VCL: variants seen among roughly 807,000 people sequenced by gnomAD.
VCL encodes the protein vinculin.
VCL carries 47 observed loss-of-function variants against 125.7 expected under a neutral mutation model. That is an observed-to-expected ratio of 0.37 (90% CI 0.30 to 0.48). VCL has a LOEUF of 0.48. VCL is among the 20% of genes least tolerant of loss of function. The probability of loss-of-function intolerance (pLI) is 0.99; values close to 1 mark genes in which losing one functional copy is unlikely to be tolerated. For missense variants in VCL, 1,069 were observed against 1,455.5 expected, an observed-to-expected ratio of 0.73 and a Z score of 4.32; for synonymous variants, 458 against 514.6, an observed-to-expected ratio of 0.89 and a Z score of 1.49.
intron 1 of VCL, among the ~76,000 whole-genome samples, chr10:74,037,762 T>A (rs1841009635): frequency 6.6e-6 from 1 of 152,136 alleles, no homozygotes; most frequent in African/African-American, 2.4e-5. Context: ...TGGCTCCTTT[T>A]TTCTAAAAGA....
chr10:74,111,965 C>A lies in VCL; in HGVS notation c.2802C>A (p.Ala934=), dbSNP rs372381809. 13 of 1,614,160 alleles carry A rather than the reference C, an allele frequency of 8.1e-6. No individual in the cohort carries two copies. Among genetic ancestry groups the A allele is most frequent in the Non-Finnish European group, 1.1e-5 (13 of 1,180,028 alleles). The change falls in exon 19 of 22, where the codon GCC becomes GCA. Residue 934 remains alanine (A), a synonymous_variant. Coordinates refer to ENST00000211998, the MANE Select transcript of VCL (RefSeq NM_014000.3). ...GTGTTGTAGCTGAGGCAGATGCGGCCGATGCTGCTGGCTTCCCTGTCCCCC... is the reference window on the plus strand; with the variant it reads ...GTGTTGTAGCTGAGGCAGATGCGGCAGATGCTGCTGGCTTCCCTGTCCCCC... ...GIGVVAEADA[A]DAAGFPVPPD... is the part of the protein sequence containing the mutation.
At chr10:73,999,755 A>C (rs900122016) in intron 1 of VCL, among the ~76,000 whole-genome samples, 4 of 152,178 alleles carry the variant, frequency 2.6e-5, no homozygotes, top group Admixed American at 1.3e-4. Context: ...CCACCGACCA[A>C]ATTCCTGATC....
At chr10:74,041,357 A>G (rs1841090980) in intron 1 of VCL, among the ~76,000 whole-genome samples, 1 of 152,038 alleles carries the variant, frequency 6.6e-6, no homozygotes, top group Non-Finnish European at 1.5e-5. Flanking sequence ...ATTAAAGTTT[A>G]CTCTTATATT....
chr10:74,018,177 G>GATATATAT (rs72407698), intron 1 of VCL, among the ~76,000 whole-genome samples: 1,162 of 81,794 alleles, frequency 0.014, 32 homozygotes, highest in African/African-American at 0.031. Context: ...ATATATATAG[G>GATATATAT]ATATATATAT....
intron 8 of VCL, among the ~76,000 whole-genome samples, chr10:74,087,331 A>T (rs1256939326): frequency 2.5e-4 from 36 of 143,340 alleles, no homozygotes; most frequent in African/African-American, 1.0e-4. Flanking sequence ...TTTTTTTTTT[A>T]GGTTTTTCTT....
rs145910411 is a variant in VCL at position 74,005,646 on chromosome 10, G to A, written c.168+7271G>A. On this transcript the variant is annotated intron_variant, in intron 1 of 21. Transcript: ENST00000211998. ...GATTTTTGGAGATGGGCAGTTATCCGTCGGTATCCATGGGGGATTGGTTGC... is the reference window on the plus strand; with the variant it reads ...GATTTTTGGAGATGGGCAGTTATCCATCGGTATCCATGGGGGATTGGTTGC... 5.9e-3 allele frequency among the ~76,000 whole-genome samples: 903 copies of A among 152,242 alleles called. 8 individuals carry two copies. The highest frequency in any genetic ancestry group is 0.021 in the African/African-American group (855 of 41,548).
intron 2 of VCL, among the ~76,000 whole-genome samples, chr10:74,049,270 A>G (rs116480441): frequency 0.015 from 2,346 of 152,254 alleles, 68 homozygotes; most frequent in African/African-American, 0.054. Flanking sequence ...GAGATAAAAT[A>G]GTGGAACTAC....
intron 1 of VCL, among the ~76,000 whole-genome samples, chr10:74,017,127 A>G (rs1840559503): frequency 1.4e-5 from 2 of 139,506 alleles, no homozygotes; most frequent in Admixed American, 7.4e-5. Context: ...GGCTCACTGC[A>G]AGCTCCGCCT....
intron 8 of VCL, among the ~76,000 whole-genome samples, chr10:74,086,090 C>T (rs1177398755): frequency 1.3e-5 from 2 of 152,192 alleles, no homozygotes; most frequent in Non-Finnish European, 2.9e-5. Context: ...TGGTCTTGAA[C>T]TCCTGACCTC....
In VCL at chr10:74,089,313, A is replaced by C. The variant is rs1839839552; in HGVS notation, c.1140A>C (p.Ser380=). 1 of 1,614,196 alleles carries C rather than the reference A, an allele frequency of 6.2e-7. No individual in the cohort carries two copies. Among genetic ancestry groups the C allele is most frequent in the Non-Finnish European group, 8.5e-7 (1 of 1,180,034 alleles). The part of the protein sequence containing the change: ...AARKLEAMTN[S]KQSIAKKIDA... ...GCAAGCTGGAAGCCATGACCAACTC[A>C]AAGCAGAGCATTGCAAAGAAGATCG... The change falls in exon 9 of 22, where the codon TCA becomes TCC. Residue 380 remains serine (S), a synonymous_variant. Coordinates refer to ENST00000211998, the MANE Select transcript of VCL (RefSeq NM_014000.3).
At chr10:74,055,386 C>T (rs1355298449) in intron 2 of VCL, among the ~76,000 whole-genome samples, 1 of 151,910 alleles carries the variant, frequency 6.6e-6, no homozygotes, top group Non-Finnish European at 1.5e-5. Flanking sequence ...GCTATGTCAC[C>T]TAGGCTGGAA....
At position 74,020,840 on chromosome 10, in the gene VCL, C is replaced by CAAAAAAAAAA. The variant is rs567412270; in HGVS notation, c.169-22231_169-22222dup. Among the ~76,000 whole-genome samples the CAAAAAAAAAA allele has an allele frequency of 2.1e-3, 142 of 66,716 alleles. 12 individuals carry two copies. The highest frequency in any genetic ancestry group is 7.8e-3 in the African/African-American group (133 of 16,978). The allele number at this position is 66,716 out of a possible 152,430, so 43.8% of individuals were successfully genotyped here. A position where few individuals can be genotyped will look rare whatever the true frequency, so the allele number is the denominator to read the frequency against. ...TGGGCAACAGAGCAAGACCTTGTCT[C>CAAAAAAAAAA]AAAAAAAAAAAAAAAAAAAAAGAGA... On this transcript the variant is annotated intron_variant, in intron 1 of 21. Transcript: ENST00000211998.
rs1486729459 is a variant in VCL at position 74,108,968 on chromosome 10, T to C, written c.2560-3T>C. ...TACTTACAACTTGTTTTCTCTTTTT[T>C]AGCTAACAGATGAGCTTGCTCCTCC... On this transcript the variant is annotated splice_polypyrimidine_tract_variant and splice_region_variant and intron_variant, in intron 17 of 21. Coordinates refer to ENST00000211998, the MANE Select transcript of VCL (RefSeq NM_014000.3). 1 of 1,614,172 alleles carries C rather than the reference T, an allele frequency of 6.2e-7. No individual in the cohort carries two copies. The highest frequency in any genetic ancestry group is 2.2e-5 in the East Asian group (1 of 44,882).
At chr10:74,003,893 ATTTTT>A (rs1240581551) in intron 1 of VCL, among the ~76,000 whole-genome samples, 1 of 151,736 alleles carries the variant, frequency 6.6e-6, no homozygotes, top group East Asian at 1.9e-4. Context: ...CTAATTTAAA[ATTTTT>A]TTTATAGAGA....
chr10:74,063,037 T>G (rs1841504697), intron 2 of VCL, among the ~76,000 whole-genome samples: 1 of 152,076 alleles, frequency 6.6e-6, no homozygotes, highest in African/African-American at 2.4e-5. Context: ...ACCACTGCAC[T>G]CCAGCCTGGG....
chr10:74,118,069 T>C lies in VCL; in HGVS notation c.3305T>C (p.Val1102Ala), dbSNP rs770283441. 1 of 1,614,078 alleles carries C rather than the reference T, an allele frequency of 6.2e-7. No individual in the cohort carries two copies. The highest frequency in any genetic ancestry group is 8.5e-7 in the Non-Finnish European group (1 of 1,179,994). ...VHNAQNLMQSVKETVREAEAA... is the reference protein window; with the variant it reads ...VHNAQNLMQSAKETVREAEAA... ...AATGCCCAGAACCTCATGCAGTCTG[T>C]GAAGGAGACTGTGCGGGAAGCTGAA... Residue 1102 changes from valine to alanine, a missense_variant, in exon 22 of 22, where the codon GTG (valine) becomes GCG (alanine). Val to Ala is a moderately conservative substitution (Grantham distance 64, BLOSUM62 0). Coordinates refer to ENST00000211998, the MANE Select transcript of VCL (RefSeq NM_014000.3).
At chr10:74,113,016 G>A (rs1371963973) in intron 19 of VCL, among the ~76,000 whole-genome samples, 1 of 152,106 alleles carries the variant, frequency 6.6e-6, no homozygotes, top group Admixed American at 6.6e-5. Flanking sequence ...CTCAATTACT[G>A]CCTGAGATGT....
chr10:74,006,388 G>A (rs551168146), intron 1 of VCL, among the ~76,000 whole-genome samples: 79 of 152,344 alleles, frequency 5.2e-4, no homozygotes, highest in African/African-American at 1.8e-3. Context: ...AATGGACAAA[G>A]TAAGAGGGCA....
At chr10:74,079,402 A>G (rs1839642600) in intron 6 of VCL, among the ~76,000 whole-genome samples, 1 of 152,184 alleles carries the variant, frequency 6.6e-6, no homozygotes, top group Admixed American at 6.6e-5. Context: ...GAGCTTTTAC[A>G]GAGAAGAATA....
Sources: allele counts gnomAD v4.1 joint callset (sites outside exome capture counted in the v4.1 genomes callset), GRCh38; gene constraint gnomAD v4.1.1; transcripts MANE v1.5; gene names NCBI Gene and HGNC (gene_info 2026-07-23, HGNC 2026-07-21).